Variants in CHCHD3 observed in about 807,000 individuals in gnomAD.
CHCHD3 encodes the protein coiled-coil-helix-coiled-coil-helix domain containing 3.
A neutral mutation model predicts 38.2 loss-of-function variants in CHCHD3; 20 were observed. The observed-to-expected ratio is 0.52, with a 90% CI of 0.37 to 0.76. The LOEUF (loss-of-function observed/expected upper bound fraction) is 0.76. CHCHD3 is among the 30% of genes least tolerant of loss of function. The probability of loss-of-function intolerance (pLI) is 0.00; values close to 1 mark genes in which losing one functional copy is unlikely to be tolerated. For missense variants in CHCHD3, 245 were observed against 279.2 expected (o/e 0.88, Z 0.87); for synonymous variants, 82 against 100.0 (o/e 0.82, Z 1.07).
chr7:133,027,407 GAA>G (rs1396026438), intron 2 of CHCHD3, among the ~76,000 whole-genome samples: 1 of 102,478 alleles, frequency 9.8e-6, no homozygotes, highest in Non-Finnish European at 1.8e-5. Context: ...GAGGGAGAAA[GAA>G]AGAAATGAAG....
chr7:133,013,580 A>G (rs1294583487), intron 3 of CHCHD3, among the ~76,000 whole-genome samples: 2 of 152,222 alleles, frequency 1.3e-5, no homozygotes, highest in Non-Finnish European at 2.9e-5. Context: ...TAGTAATATT[A>G]CTTTTCTTAG....
intron 6 of CHCHD3, among the ~76,000 whole-genome samples, chr7:132,812,205 T>TTTTC (rs1807089468): frequency 3.7e-5 from 2 of 53,704 alleles, no homozygotes; most frequent in South Asian, 9.0e-4. Context: ...CTTTTCTTTT[T>TTTTC]TTTTTTTTTT....
intron 4 of CHCHD3, among the ~76,000 whole-genome samples, chr7:132,908,282 A>G (rs1809847521): frequency 6.6e-6 from 1 of 152,162 alleles, no homozygotes; most frequent in African/African-American, 2.4e-5. Flanking sequence ...AACTTGACAA[A>G]AGTACCAATG....
chr7:133,037,522 C>T (rs943787646), intron 2 of CHCHD3, among the ~76,000 whole-genome samples: 1 of 152,136 alleles, frequency 6.6e-6, no homozygotes, highest in Non-Finnish European at 1.5e-5. Context: ...CAAAGAAATA[C>T]ATACATATAG....
At chr7:132,907,934 C>G (rs2117214466) in intron 4 of CHCHD3, among the ~76,000 whole-genome samples, 1 of 151,722 alleles carries the variant, frequency 6.6e-6, no homozygotes, top group East Asian at 1.9e-4. Flanking sequence ...AAAAACAAAC[C>G]ACGGTCAAAA....
intron 4 of CHCHD3, among the ~76,000 whole-genome samples, chr7:132,910,177 G>A (rs934263608): frequency 4.6e-5 from 7 of 152,140 alleles, no homozygotes; most frequent in Non-Finnish European, 7.4e-5. Context: ...TATTAAGGGC[G>A]GCCCTGGAAC....
At chr7:132,940,648 CA>C (rs940234475) in intron 4 of CHCHD3, among the ~76,000 whole-genome samples, 2 of 152,164 alleles carry the variant, frequency 1.3e-5, no homozygotes, top group Non-Finnish European at 2.9e-5. Flanking sequence ...TGGCTTTCAG[CA>C]GTCATTTTTT....
chr7:132,850,552 C>T (rs1808196147), intron 5 of CHCHD3, among the ~76,000 whole-genome samples: 1 of 151,540 alleles, frequency 6.6e-6, no homozygotes. Flanking sequence ...TACATTACCT[C>T]ATGCCTCAGT....
intron 4 of CHCHD3, among the ~76,000 whole-genome samples, chr7:132,918,999 C>G (rs1810188946): frequency 1.3e-5 from 2 of 151,174 alleles, no homozygotes; most frequent in Non-Finnish European, 2.9e-5. Flanking sequence ...AAGCTGTTTT[C>G]TCCACGAGGT....
chr7:133,049,027 GA>G (rs1814072898), intron 2 of CHCHD3, among the ~76,000 whole-genome samples: 1 of 152,136 alleles, frequency 6.6e-6, no homozygotes, highest in South Asian at 2.1e-4. Flanking sequence ...TCAAACCACA[GA>G]AAAGTTGTAA....
At chr7:132,848,560 T>G (rs1808137834) in intron 5 of CHCHD3, among the ~76,000 whole-genome samples, 1 of 152,208 alleles carries the variant, frequency 6.6e-6, no homozygotes, top group South Asian at 2.1e-4. Context: ...GAGATTGACT[T>G]TGCAATGAAC....
intron 4 of CHCHD3, among the ~76,000 whole-genome samples, chr7:132,946,038 A>T (rs1413994220): frequency 3.3e-5 from 5 of 151,960 alleles, no homozygotes; most frequent in African/African-American, 1.2e-4. Context: ...AAATGCATAA[A>T]ATTAGACACA....
intron 2 of CHCHD3, among the ~76,000 whole-genome samples, chr7:133,053,495 G>A (rs1031959008): frequency 3.3e-5 from 5 of 152,164 alleles, no homozygotes; most frequent in South Asian, 2.1e-4. Flanking sequence ...CACGGGACAC[G>A]TCATGAGAAG....
rs532119082 is a variant in CHCHD3 at position 132,966,541 on chromosome 7, G to A, written c.369+8628C>T. Among the ~76,000 whole-genome samples, 19 of 152,230 alleles carry A rather than the reference G, an allele frequency of 1.2e-4. No homozygotes were observed. The South Asian group carries it at 3.1e-3, about 25-fold the overall frequency. ...TCCAATACACGAAAATGAAGCAGGCGTCATTGCACATGGTATATCACATAG... is the reference window on the plus strand; with the variant it reads ...TCCAATACACGAAAATGAAGCAGGCATCATTGCACATGGTATATCACATAG... On this transcript the variant is annotated intron_variant, in intron 4 of 7. Coordinates refer to ENST00000262570, the MANE Select transcript of CHCHD3 (RefSeq NM_017812.4).
Position 133,070,195 on chromosome 7 carries a change from G to A in CHCHD3, c.116C>T (p.Ser39Phe), listed in dbSNP as rs780933449. The A allele has an allele frequency of 1.2e-6, 2 of 1,613,380 alleles. No individual in the cohort carries two copies. The highest frequency in any genetic ancestry group is 2.2e-5 in the East Asian group (1 of 44,842). ...CTGAGACTTCGAACCAGATGGAGAG[G>A]ATTCCTTCATTCGATCAATCACATT... is the stretch of plus-strand genomic sequence containing the variant. ...SENVIDRMKE[S>F]SPSGSKSQRY... The change falls in exon 2 of 8, where the codon TCC (serine) becomes TTC (phenylalanine). Residue 39 changes from serine (S) to phenylalanine (F), a missense_variant. Physicochemically the swap from Ser to Phe is radical, Grantham distance 155. Coordinates refer to ENST00000262570, the MANE Select transcript of CHCHD3 (RefSeq NM_017812.4).
At chr7:132,991,349 C>A (rs751852658) in intron 3 of CHCHD3, among the ~76,000 whole-genome samples, 1 of 152,084 alleles carries the variant, frequency 6.6e-6, no homozygotes. Context: ...AAGGTTAAAA[C>A]AAATTACTTT....
chr7:132,805,315 C>T (rs1023459048), intron 6 of CHCHD3, among the ~76,000 whole-genome samples: 1 of 142,030 alleles, frequency 7.0e-6, no homozygotes, highest in Admixed American at 7.2e-5. Context: ...TGTGCGTGGA[C>T]AGTGTGGGGG....
chr7:132,827,985 T>C (rs1978508), intron 6 of CHCHD3, among the ~76,000 whole-genome samples: 33,807 of 152,122 alleles, frequency 0.22, 4,520 homozygotes, highest in East Asian at 0.4. Context: ...CTGAGTTGAG[T>C]GGAATACTGT....
chr7:132,928,980 C>T (rs1348052248), intron 4 of CHCHD3, among the ~76,000 whole-genome samples: 1 of 152,122 alleles, frequency 6.6e-6, no homozygotes, highest in Non-Finnish European at 1.5e-5. Context: ...TTATCCTTCT[C>T]TTGCCATTGG....
Sources: allele counts gnomAD v4.1 joint callset (sites outside exome capture counted in the v4.1 genomes callset), GRCh38; gene constraint gnomAD v4.1.1; transcripts MANE v1.5; gene names NCBI Gene and HGNC (gene_info 2026-07-23, HGNC 2026-07-21).